The following SLC35H1 variants were observed in gnomAD, a reference collection of about 807,000 sequenced individuals.
SLC35H1 encodes ovarian cancer-overexpressed gene 1 protein.
the SLC35H1 span, among the ~76,000 whole-genome samples, chr20:46,353,869 C>G: frequency 6.6e-6 from 1 of 151,944 alleles, no homozygotes; most frequent in East Asian, 1.9e-4. Flanking sequence ...GGAAAAAAAA[C>G]GAGGCCCTGA....
chr20:46,361,431 C>T, the SLC35H1 span, among the ~76,000 whole-genome samples: 3 of 152,218 alleles, frequency 2.0e-5, no homozygotes, highest in Non-Finnish European at 2.9e-5. Flanking sequence ...GTCTCCTACA[C>T]GGTTCTCTCT....
the SLC35H1 span, chr20:46,348,734 T>A: frequency 6.6e-6 from 1 of 152,194 alleles, no homozygotes; most frequent in African/African-American, 2.4e-5. Flanking sequence ...GAAGTGGAAG[T>A]TGGACTCGAG....
chr20:46,357,626 T>C, the SLC35H1 span: 2 of 1,613,058 alleles, frequency 1.2e-6, no homozygotes, highest in Non-Finnish European at 1.7e-6. Flanking sequence ...CACCTACCTG[T>C]GGGAGCCACT....
At chr20:46,358,566 A>G in the SLC35H1 span, 1 of 1,613,406 alleles carries the variant, frequency 6.2e-7, no homozygotes, top group Admixed American at 1.7e-5. Flanking sequence ...CCTCTTGAAT[A>G]CAATGTGCAG....
At chr20:46,355,721 G>A in the SLC35H1 span, 1 of 1,600,170 alleles carries the variant, frequency 6.2e-7, no homozygotes, top group Admixed American at 1.7e-5. The surrounding 1 kb of genome is among the most constrained non-coding windows in gnomAD (Gnocchi z 4.8). Context: ...TCACACAGCA[G>A]GACAAGCCAC....
the SLC35H1 span, among the ~76,000 whole-genome samples, chr20:46,353,858 AG>A: frequency 1.3e-5 from 2 of 152,026 alleles, no homozygotes; most frequent in Non-Finnish European, 2.9e-5. Flanking sequence ...ATTTTAAAGA[AG>A]GAAAAAAAAC....
the SLC35H1 span, chr20:46,349,478 A>C: frequency 6.6e-6 from 1 of 152,238 alleles, no homozygotes; most frequent in Non-Finnish European, 1.5e-5. Flanking sequence ...CCGGCCACTT[A>C]AGCAGCTCTT....
chr20:46,356,470 G>A, the SLC35H1 span: 4 of 1,137,392 alleles, frequency 3.5e-6, no homozygotes, highest in Non-Finnish European at 5.2e-6. Flanking sequence ...GCTGGTCCCA[G>A]AGTGGTGGAG....
At chr20:46,357,676 C>T in the SLC35H1 span, 2 of 1,614,182 alleles carry the variant, frequency 1.2e-6, no homozygotes, top group Non-Finnish European at 1.7e-6. Flanking sequence ...CACACGGGCC[C>T]TGTGGCTGGA....
At chr20:46,358,379 C>T in the SLC35H1 span, 1 of 1,608,612 alleles carries the variant, frequency 6.2e-7, no homozygotes, top group Non-Finnish European at 8.5e-7. Context: ...AGCAAGGCCT[C>T]CTGGTACCTT....
chr20:46,350,204 G>GT, the SLC35H1 span: 1 of 554,340 alleles, frequency 1.8e-6, no homozygotes, highest in South Asian at 3.3e-5. Flanking sequence ...GGCTGGCCTG[G>GT]TGCTCGCCCC....
chr20:46,356,630 C>T, the SLC35H1 span: 37 of 1,613,714 alleles, frequency 2.3e-5, no homozygotes, highest in South Asian at 3.0e-4. Flanking sequence ...CAAGCGCCGT[C>T]GCCAGAGCTG....
chr20:46,353,134 G>C, the SLC35H1 span: 1 of 152,238 alleles, frequency 6.6e-6, no homozygotes, highest in Non-Finnish European at 1.5e-5. Context: ...TGCTAGTACA[G>C]AGCTGTGGGA....
the SLC35H1 span, chr20:46,350,325 G>A: frequency 3.6e-5 from 54 of 1,519,908 alleles, no homozygotes; most frequent in Middle Eastern, 3.7e-4. Context: ...AGCCCTGGCG[G>A]CTTGAGCACA....
chr20:46,362,761 TTA>T, the SLC35H1 span, among the ~76,000 whole-genome samples: 1 of 152,160 alleles, frequency 6.6e-6, no homozygotes, highest in Non-Finnish European at 1.5e-5. Context: ...CTTCGAAGGC[TTA>T]GTCTCTATTC....
the SLC35H1 span, chr20:46,355,395 C>T: frequency 3.7e-6 from 3 of 800,972 alleles, no homozygotes; most frequent in Non-Finnish European, 5.8e-6. The surrounding 1 kb of genome is among the most constrained non-coding windows in gnomAD (Gnocchi z 4.8). Flanking sequence ...CCTGGACAGT[C>T]CTTGCCCACC....
At chr20:46,350,443 T>C in the SLC35H1 span, 5 of 1,613,380 alleles carry the variant, frequency 3.1e-6, no homozygotes, top group Non-Finnish European at 4.2e-6. Context: ...ATTGTCACCT[T>C]CCTCCCGCTG....
At chr20:46,356,360 G>A in the SLC35H1 span, among the ~76,000 whole-genome samples, 2 of 152,208 alleles carry the variant, frequency 1.3e-5, no homozygotes, top group Admixed American at 1.3e-4. Flanking sequence ...CACGCTGCCT[G>A]GCAGGTGGGC....
the SLC35H1 span, chr20:46,347,176 G>A: frequency 3.9e-5 from 6 of 152,180 alleles, no homozygotes; most frequent in Non-Finnish European, 5.9e-5. Flanking sequence ...GATCAGCAAC[G>A]TGTCCAAAAG....
Sources: gnomAD v4.1 joint callset for allele counts (sites outside exome capture counted in the v4.1 genomes callset) on GRCh38, gnomAD v4.1.1 for gene constraint, Gnocchi (gnomAD v3.1) non-coding constraint, MANE v1.5 for transcripts, NCBI Gene and HGNC (gene_info 2026-07-23, HGNC 2026-07-21) for gene names.